Variants in SIK3 observed in about 807,000 individuals in gnomAD.
SIK3 encodes the protein SIK family kinase 3.
A neutral mutation model predicts 144.2 loss-of-function variants in SIK3; 28 were observed. The observed-to-expected ratio is 0.19, with a 90% confidence interval of 0.14 to 0.27. SIK3 has a LOEUF of 0.27. Among genes scored for constraint, SIK3 ranks in the 10% least tolerant of loss-of-function variants. The pLI is 1.00. For missense variants in SIK3, 1,319 were observed against 1,776.0 expected (o/e 0.74, Z 4.62); for synonymous variants, 686 against 676.3 (o/e 1.01, Z -0.22).
intron 1 of SIK3, among the ~76,000 whole-genome samples, chr11:117,097,447 A>T (rs1386226011): frequency 7.2e-5 from 4 of 55,676 alleles, no homozygotes; most frequent in African/African-American, 1.4e-4. Context: ...CCCCCACCTC[A>T]CTCCCCCATT....
chr11:116,988,662 T>C (rs1032116280), intron 1 of SIK3, among the ~76,000 whole-genome samples: 5 of 151,688 alleles, frequency 3.3e-5, no homozygotes, highest in African/African-American at 1.2e-4. Context: ...AGCATATTAA[T>C]GTGCACCTGT....
chr11:116,960,507 T>C (rs374428887), intron 1 of SIK3, among the ~76,000 whole-genome samples: 6 of 152,128 alleles, frequency 3.9e-5, no homozygotes, highest in Non-Finnish European at 7.3e-5. Context: ...TGCAACAGAA[T>C]GAGACACTTT....
intron 1 of SIK3, among the ~76,000 whole-genome samples, chr11:117,067,830 T>C (rs1224397935): frequency 6.6e-6 from 1 of 151,522 alleles, no homozygotes; most frequent in Non-Finnish European, 1.5e-5. Flanking sequence ...CTACTAAAAA[T>C]ACAAAAATTA....
chr11:116,943,086 C>G (rs1275683611), intron 3 of SIK3, among the ~76,000 whole-genome samples: 2 of 151,536 alleles, frequency 1.3e-5, no homozygotes, highest in Admixed American at 1.3e-4. Context: ...CTGTGGGCAC[C>G]ACATTCATGG....
intron 1 of SIK3, among the ~76,000 whole-genome samples, chr11:117,081,096 T>A (rs1386500895): frequency 6.6e-6 from 1 of 152,042 alleles, no homozygotes; most frequent in Non-Finnish European, 1.5e-5. Flanking sequence ...ATGTTGGAGA[T>A]ATACTATTAA....
chr11:117,016,220 G>C (rs1029415806), intron 1 of SIK3, among the ~76,000 whole-genome samples: 1 of 151,704 alleles, frequency 6.6e-6, no homozygotes, highest in African/African-American at 2.4e-5. Flanking sequence ...CAGCTACTCA[G>C]GAGGCTGAGG....
intron 3 of SIK3, among the ~76,000 whole-genome samples, chr11:116,942,302 G>C (rs1263033688): frequency 1.3e-5 from 2 of 152,118 alleles, no homozygotes; most frequent in Non-Finnish European, 2.9e-5. Context: ...GCCATAATCA[G>C]CAATCCAGTG....
intron 1 of SIK3, among the ~76,000 whole-genome samples, chr11:116,989,263 G>C (rs1445181823): frequency 6.6e-6 from 1 of 151,612 alleles, no homozygotes. Flanking sequence ...TTCTCTATTC[G>C]CTTTTTAAAT....
chr11:116,940,223 GT>G (rs990268065), intron 3 of SIK3, among the ~76,000 whole-genome samples: 3 of 146,552 alleles, frequency 2.0e-5, no homozygotes, highest in Non-Finnish European at 3.0e-5. Flanking sequence ...TTCCTTTAAG[GT>G]TTTTTTGTTT....
At position 116,849,368 on chromosome 11, in the gene SIK3, G is replaced by T; in HGVS notation, c.3656-85C>A. The T allele has an allele frequency of 6.5e-7, 1 of 1,529,548 alleles. No individual in the cohort carries two copies. The highest frequency in any genetic ancestry group is 9.0e-7 in the Non-Finnish European group (1 of 1,115,468). The allele number at this position is 1,529,548 out of a possible 1,614,324, so 94.7% of individuals were successfully genotyped here. A position where few individuals can be genotyped will look rare whatever the true frequency, so the allele number is the denominator to read the frequency against. Reference sequence around the variant, plus strand: ...CCCATCCAAGAAATGTCTTGCAAGGGACAATGGGCAAGGCTGAGGAGATCA... The same window carrying T: ...CCCATCCAAGAAATGTCTTGCAAGGTACAATGGGCAAGGCTGAGGAGATCA... On this transcript the variant is annotated intron_variant, in intron 21 of 24. Transcript: ENST00000445177. The surrounding 1 kb of genome is among the most constrained non-coding windows in gnomAD (Gnocchi z 4.2).
intron 23 of SIK3, among the ~76,000 whole-genome samples, chr11:116,847,100 C>T (rs1565350145): frequency 6.6e-6 from 1 of 152,222 alleles, no homozygotes. Context: ...TGGTGGCAGA[C>T]CTGCCCCGCC....
At chr11:116,989,210 C>T (rs1950420920) in intron 1 of SIK3, among the ~76,000 whole-genome samples, 1 of 151,614 alleles carries the variant, frequency 6.6e-6, no homozygotes, top group African/African-American at 2.4e-5. Flanking sequence ...TTTTTTTCCC[C>T]GCATGTTCGA....
At chr11:116,993,918 A>G (rs79389742) in intron 1 of SIK3, among the ~76,000 whole-genome samples, 1,974 of 152,350 alleles carry the variant, frequency 0.013, 46 homozygotes, top group African/African-American at 0.044. Context: ...CAGGAGGAGC[A>G]ACCATGAGTG....
chr11:117,090,301 T>C (rs1955186794), intron 1 of SIK3, among the ~76,000 whole-genome samples: 1 of 152,028 alleles, frequency 6.6e-6, no homozygotes, highest in African/African-American at 2.4e-5. Flanking sequence ...GGTGAGATCA[T>C]TCATCTGGAG....
intron 13 of SIK3, among the ~76,000 whole-genome samples, chr11:116,870,968 A>C (rs1943939770): frequency 6.6e-6 from 1 of 152,164 alleles, no homozygotes; most frequent in Non-Finnish European, 1.5e-5. Flanking sequence ...CTAGGACTTG[A>C]CCTGTTGTTT....
chr11:117,004,834 C>T (rs1229929156), intron 1 of SIK3, among the ~76,000 whole-genome samples: 1 of 152,140 alleles, frequency 6.6e-6, no homozygotes, highest in African/African-American at 2.4e-5. Context: ...AGAAAGGAAA[C>T]AAGGTTAAAG....
At chr11:116,866,765 A>C (rs1237216695) in intron 15 of SIK3, among the ~76,000 whole-genome samples, 1 of 152,130 alleles carries the variant, frequency 6.6e-6, no homozygotes, top group East Asian at 1.9e-4. Flanking sequence ...GTGTGTACGA[A>C]CACTGTAAGT....
At position 116,849,333 on chromosome 11, in the gene SIK3, A is replaced by C; in HGVS notation, c.3656-50T>G. 2 of 1,606,626 alleles carry C rather than the reference A, an allele frequency of 1.2e-6. No homozygotes were observed. Among genetic ancestry groups the C allele is most frequent in the Non-Finnish European group, 1.7e-6 (2 of 1,174,822 alleles). ...TCAGTGGGGCGGAACTTCTCCCAGC[A>C]CTGGAAACTCCCATCCAAGAAATGT... On this transcript the variant is annotated intron_variant, in intron 21 of 24. Coordinates refer to ENST00000445177, the MANE Select transcript of SIK3 (RefSeq NM_001366686.3). The surrounding 1 kb of genome is among the most constrained non-coding windows in gnomAD (Gnocchi z 4.2).
At chr11:116,885,347 T>C (rs928529378) in intron 6 of SIK3, among the ~76,000 whole-genome samples, 2 of 152,186 alleles carry the variant, frequency 1.3e-5, no homozygotes, top group South Asian at 4.1e-4. Flanking sequence ...TGTATATCCA[T>C]TTATTAGAAA....
Sources: allele counts gnomAD v4.1 joint callset (sites outside exome capture counted in the v4.1 genomes callset), GRCh38; gene constraint gnomAD v4.1.1; non-coding constraint Gnocchi (gnomAD v3.1); transcripts MANE v1.5; gene names NCBI Gene and HGNC (gene_info 2026-07-23, HGNC 2026-07-21).